The following MAF variants were observed in gnomAD, a reference collection of about 807,000 sequenced individuals.
The protein encoded by MAF is transcription factor Maf.
Under a neutral mutation model 22.0 loss-of-function variants are expected in MAF, and 10 were observed. That is an observed-to-expected ratio of 0.45 (90% confidence interval 0.28 to 0.77). The LOEUF is 0.77. Among genes scored for constraint, MAF ranks in the 30% least tolerant of loss-of-function variants. The pLI, the probability that MAF is intolerant of heterozygous loss-of-function variation, is 0.12. For missense variants in MAF, 544 were observed against 548.4 expected (o/e 0.99, Z 0.08); for synonymous variants, 337 against 255.8 (o/e 1.32, Z -3.03).
chr16:79,211,723 A>G, the MAF span: 60 of 1,614,206 alleles, frequency 3.7e-5, no homozygotes, highest in African/African-American at 7.6e-4. Flanking sequence ...GCTCAGAGCG[A>G]AGAGACGGCC....
chr16:79,426,972 T>G, the MAF span, among the ~76,000 whole-genome samples: 1 of 152,204 alleles, frequency 6.6e-6, no homozygotes, highest in Non-Finnish European at 1.5e-5. Context: ...TGAAGCCAGC[T>G]ACATCTGGAT....
At chr16:79,422,626 G>A in the MAF span, among the ~76,000 whole-genome samples, 1 of 152,184 alleles carries the variant, frequency 6.6e-6, no homozygotes, top group African/African-American at 2.4e-5. Flanking sequence ...TTAGTGCTCA[G>A]TAGCTGCTAG....
chr16:79,598,582 G>GTGTA (rs1491266700), intron 1 of MAF: 16 of 510,472 alleles, frequency 3.1e-5, no homozygotes, highest in Non-Finnish European at 4.2e-5. Context: ...AGGGTGTGGG[G>GTGTA]TGTGTGTGTG....
the MAF span, among the ~76,000 whole-genome samples, chr16:79,519,874 C>G: frequency 6.6e-6 from 1 of 152,244 alleles, no homozygotes; most frequent in South Asian, 2.1e-4. Flanking sequence ...TGACTGCTCG[C>G]CCATCCTGCC....
chr16:79,562,291 G>C, the MAF span, among the ~76,000 whole-genome samples: 62 of 152,276 alleles, frequency 4.1e-4, no homozygotes, highest in South Asian at 0.013. Context: ...GCAGTACAAA[G>C]ACATGGACAA....
the MAF span, among the ~76,000 whole-genome samples, chr16:79,368,631 G>C: frequency 0.69 from 104,987 of 152,040 alleles, 37,486 homozygotes; most frequent in East Asian, 0.96. Flanking sequence ...ACCAGTAGGA[G>C]CCCTGGTGCT....
the MAF span, among the ~76,000 whole-genome samples, chr16:79,523,672 G>C: frequency 1.3e-5 from 2 of 152,194 alleles, no homozygotes; most frequent in Non-Finnish European, 2.9e-5. Flanking sequence ...AAGGTGCTCA[G>C]TAGTGACCTT....
At chr16:79,470,290 T>C in the MAF span, among the ~76,000 whole-genome samples, 42 of 152,142 alleles carry the variant, frequency 2.8e-4, no homozygotes, top group African/African-American at 1.0e-3. Flanking sequence ...TCCTTGCCAA[T>C]GAGGACGCCC....
chr16:79,205,666 C>G, the MAF span: 1 of 152,048 alleles, frequency 6.6e-6, no homozygotes, highest in Non-Finnish European at 1.5e-5. Flanking sequence ...GCAAAACTCC[C>G]AAAGGTTTAT....
the MAF span, among the ~76,000 whole-genome samples, chr16:79,484,276 A>C: frequency 6.6e-6 from 1 of 152,196 alleles, no homozygotes; most frequent in Non-Finnish European, 1.5e-5. Context: ...GGTGATGACG[A>C]GGCTGGCGTG....
the MAF span, among the ~76,000 whole-genome samples, chr16:79,524,239 C>G: frequency 1.3e-5 from 2 of 152,146 alleles, no homozygotes; most frequent in Admixed American, 1.3e-4. Flanking sequence ...TTAACCCTTC[C>G]GCAGGGGGAG....
the MAF span, among the ~76,000 whole-genome samples, chr16:79,218,775 G>C: frequency 6.6e-5 from 10 of 152,140 alleles, 1 homozygote; most frequent in Non-Finnish European, 1.5e-5. Context: ...CATTCAGTTT[G>C]GGCAGAAAAA....
At chr16:79,427,593 C>G in the MAF span, among the ~76,000 whole-genome samples, 1 of 152,122 alleles carries the variant, frequency 6.6e-6, no homozygotes, top group Non-Finnish European at 1.5e-5. Flanking sequence ...GGGTGCACAG[C>G]CAGGAATGCT....
At chr16:79,517,582 T>C in the MAF span, among the ~76,000 whole-genome samples, 3 of 148,038 alleles carry the variant, frequency 2.0e-5, no homozygotes, top group East Asian at 4.0e-4. Flanking sequence ...TTTTTTTTTT[T>C]TTTTTTTTTT....
the MAF span, among the ~76,000 whole-genome samples, chr16:79,541,771 T>C: frequency 6.7e-6 from 1 of 149,694 alleles, no homozygotes; most frequent in African/African-American, 2.5e-5. Flanking sequence ...TTCTCCTGCC[T>C]CAGCGTCTTC....
At chr16:79,337,782 C>G in the MAF span, among the ~76,000 whole-genome samples, 1 of 152,144 alleles carries the variant, frequency 6.6e-6, no homozygotes, top group Admixed American at 6.6e-5. Flanking sequence ...AAGATCCTAT[C>G]GGACAGTGCT....
At chr16:79,229,671 G>A in the MAF span, among the ~76,000 whole-genome samples, 10,540 of 152,124 alleles carry the variant, frequency 0.069, 562 homozygotes, top group Middle Eastern at 0.16. Context: ...CAAGCCAGCA[G>A]GTGCTTGAGC....
the MAF span, among the ~76,000 whole-genome samples, chr16:79,310,077 G>A: frequency 6.6e-6 from 1 of 152,126 alleles, no homozygotes; most frequent in Non-Finnish European, 1.5e-5. Context: ...TCCCAGCACT[G>A]AGAATTAATA....
chr16:79,467,850 G>C, the MAF span, among the ~76,000 whole-genome samples: 1 of 151,998 alleles, frequency 6.6e-6, no homozygotes, highest in African/African-American at 2.4e-5. Flanking sequence ...AGGGGAGGAA[G>C]GGAGAGGGGG....
Sources: allele counts gnomAD v4.1 joint callset (sites outside exome capture counted in the v4.1 genomes callset), GRCh38; gene constraint gnomAD v4.1.1; transcripts MANE v1.5; gene names NCBI Gene and HGNC (gene_info 2026-07-23, HGNC 2026-07-21).